The following TACR1 variants were observed in gnomAD, a reference collection of about 807,000 sequenced individuals.
The protein encoded by TACR1 is substance-P receptor.
A neutral mutation model predicts 35.8 loss-of-function variants in TACR1; 25 were observed. The ratio of observed to expected loss-of-function variants is 0.70; its 90% CI spans 0.51 to 0.98. The LOEUF (loss-of-function observed/expected upper bound fraction) is 0.98, where lower values mean the gene tolerates loss of function less well. TACR1 is among the 50% of genes least tolerant of loss of function. TACR1 has a pLI of 0.00. For synonymous variants in TACR1, 195 were observed against 206.7 expected (o/e 0.94, Z 0.48); for missense variants, 478 against 522.9 (o/e 0.91, Z 0.84).
chr2:75,076,648 G>A (rs1333643557), intron 2 of TACR1, among the ~76,000 whole-genome samples: 1 of 152,166 alleles, frequency 6.6e-6, no homozygotes, highest in African/African-American at 2.4e-5. Context: ...GGAAATGCTA[G>A]TTTGGTAACA....
intron 1 of TACR1, among the ~76,000 whole-genome samples, chr2:75,152,495 C>T (rs999208631): frequency 1.3e-5 from 2 of 152,180 alleles, no homozygotes; most frequent in Non-Finnish European, 2.9e-5. Context: ...CCCCCATGAT[C>T]CTGAGGTCTC....
At chr2:75,158,304 C>T (rs997997178) in intron 1 of TACR1, among the ~76,000 whole-genome samples, 1 of 152,150 alleles carries the variant, frequency 6.6e-6, no homozygotes, top group African/African-American at 2.4e-5. Flanking sequence ...GAGAGATTTC[C>T]ACAGCTTATT....
intron 2 of TACR1, among the ~76,000 whole-genome samples, chr2:75,101,427 A>G (rs1000418711): frequency 6.6e-6 from 1 of 152,162 alleles, no homozygotes; most frequent in Admixed American, 6.5e-5. Flanking sequence ...TATTTTATCT[A>G]ATCCTCACAA....
At chr2:75,185,237 G>T (rs1675663101) in intron 1 of TACR1, among the ~76,000 whole-genome samples, 1 of 151,924 alleles carries the variant, frequency 6.6e-6, no homozygotes, top group South Asian at 2.1e-4. Context: ...TAAATTATTG[G>T]AGTGGAATAT....
chr2:75,114,791 T>C (rs935258731), intron 2 of TACR1, among the ~76,000 whole-genome samples: 2 of 152,240 alleles, frequency 1.3e-5, no homozygotes, highest in Non-Finnish European at 2.9e-5. Context: ...GCAGCCACGC[T>C]AAGCTGCTGG....
chr2:75,075,218 A>G (rs1672955984), intron 2 of TACR1, among the ~76,000 whole-genome samples: 1 of 152,228 alleles, frequency 6.6e-6, no homozygotes, highest in South Asian at 2.1e-4. Context: ...CCACAATAGG[A>G]TAGCATTTTA....
chr2:75,094,838 C>CATAAATATAT (rs1673382095), intron 2 of TACR1, among the ~76,000 whole-genome samples: 1 of 119,880 alleles, frequency 8.3e-6, no homozygotes, highest in African/African-American at 4.6e-5. Flanking sequence ...GAAGCAGAAA[C>CATAAATATAT]ATATATATAT....
In TACR1 at chr2:75,165,220, A is replaced by G. The variant is rs370495313; in HGVS notation, c.389+33326T>C. Among the ~76,000 whole-genome samples, 9 of 152,340 alleles carry G rather than the reference A, an allele frequency of 5.9e-5. No individual in the cohort carries two copies. In the East Asian group the frequency reaches 1.7e-3, roughly 29 times the overall value. On this transcript the variant is annotated intron_variant, in intron 1 of 4. Transcript: ENST00000305249. ...GCCTTAATCCCTTTTTGAACGAAAG[A>G]TCTGCTCACTACAACCTCCTTAATT... is the stretch of plus-strand genomic sequence containing the variant.
chr2:75,181,454 A>G (rs1558584078), intron 1 of TACR1, among the ~76,000 whole-genome samples: 1 of 152,350 alleles, frequency 6.6e-6, no homozygotes, highest in Middle Eastern at 3.4e-3. Context: ...AAATTAATTT[A>G]TCTTTCCCCA....
At chr2:75,078,573 A>G (rs1267614634) in intron 2 of TACR1, among the ~76,000 whole-genome samples, 2 of 152,062 alleles carry the variant, frequency 1.3e-5, no homozygotes, top group East Asian at 1.9e-4. Context: ...AATATATCCA[A>G]TGGCATCTTT....
intron 1 of TACR1, among the ~76,000 whole-genome samples, chr2:75,137,661 G>C (rs933692853): frequency 6.8e-6 from 1 of 147,696 alleles, no homozygotes; most frequent in African/African-American, 2.5e-5. Flanking sequence ...CCTGGGAGGC[G>C]GAGCTTGCAG....
chr2:75,057,990 C>G (rs1159648684), intron 2 of TACR1, among the ~76,000 whole-genome samples: 12 of 152,176 alleles, frequency 7.9e-5, no homozygotes, highest in Admixed American at 7.9e-4. Flanking sequence ...TTTGCTCCCC[C>G]AGGCACTTGA....
intron 2 of TACR1, among the ~76,000 whole-genome samples, chr2:75,078,854 G>A (rs542690870): frequency 2.0e-5 from 3 of 152,326 alleles, no homozygotes; most frequent in Admixed American, 2.0e-4. Context: ...TCTGGGTGAA[G>A]AGAGCTTTCG....
intron 2 of TACR1, among the ~76,000 whole-genome samples, chr2:75,090,487 A>G (rs1017860603): frequency 5.9e-5 from 9 of 152,142 alleles, no homozygotes; most frequent in African/African-American, 2.2e-4. Context: ...GGTCTCCACA[A>G]CCTCTTATTG....
intron 1 of TACR1, among the ~76,000 whole-genome samples, chr2:75,137,707 C>T (rs1391243735): frequency 4.6e-5 from 5 of 108,488 alleles, no homozygotes; most frequent in African/African-American, 7.4e-5. Context: ...CCAGCCTGGG[C>T]GACAGAGAGA....
At chr2:75,119,659 A>G (rs997538841) in intron 2 of TACR1, among the ~76,000 whole-genome samples, 3 of 152,234 alleles carry the variant, frequency 2.0e-5, no homozygotes, top group African/African-American at 7.2e-5. Flanking sequence ...GTGATCAGGC[A>G]GGCCCCTAGA....
In TACR1 at chr2:75,049,918, G is replaced by GA. The variant is rs561853770; in HGVS notation, c.933-196dup. Among the ~76,000 whole-genome samples, 1,253 of 150,440 alleles carry GA rather than the reference G, an allele frequency of 8.3e-3. 13 individuals carry two copies. The highest frequency in any genetic ancestry group is 0.021 in the South Asian group (98 of 4,772). On this transcript the variant is annotated intron_variant, in intron 4 of 4. Transcript: ENST00000305249. ...GTCAACAAGGTCAAATCCAAGACTA[G>GA]AAAAAAAAAATCCAACACTGGAACA...
At chr2:75,179,808 G>T (rs1476496145) in intron 1 of TACR1, among the ~76,000 whole-genome samples, 2 of 152,190 alleles carry the variant, frequency 1.3e-5, no homozygotes, top group Non-Finnish European at 2.9e-5. Context: ...TATTTTCAGG[G>T]AGGTTCTCAG....
At chr2:75,159,976 G>C (rs897036524) in intron 1 of TACR1, among the ~76,000 whole-genome samples, 1 of 152,206 alleles carries the variant, frequency 6.6e-6, no homozygotes, top group Non-Finnish European at 1.5e-5. Context: ...CTCATGAAAA[G>C]ATAGGCAGTG....
Sources: allele counts gnomAD v4.1 joint callset (sites outside exome capture counted in the v4.1 genomes callset), GRCh38; gene constraint gnomAD v4.1.1; transcripts MANE v1.5; gene names NCBI Gene and HGNC (gene_info 2026-07-23, HGNC 2026-07-21).